CDKAL1: variants seen among roughly 807,000 people sequenced by gnomAD.
CDKAL1 encodes threonylcarbamoyladenosine tRNA methylthiotransferase.
CDKAL1 carries 32 observed loss-of-function variants against 68.2 expected under a neutral mutation model. That is an observed-to-expected ratio of 0.47 (90% confidence interval 0.35 to 0.63). The LOEUF (loss-of-function observed/expected upper bound fraction) is 0.63, where lower values mean the gene tolerates loss of function less well. CDKAL1 is among the 30% of genes least tolerant of loss of function. The probability of loss-of-function intolerance (pLI) is 0.00; values close to 1 mark genes in which losing one functional copy is unlikely to be tolerated. For missense variants in CDKAL1, 606 were observed against 696.7 expected, an observed-to-expected ratio of 0.87 and a Z score of 1.47; for synonymous variants, 234 against 244.3, an observed-to-expected ratio of 0.96 and a Z score of 0.39.
chr6:21,047,145 G>A (rs868730391), intron 11 of CDKAL1, among the ~76,000 whole-genome samples: 1 of 151,320 alleles, frequency 6.6e-6, no homozygotes, highest in Non-Finnish European at 1.5e-5. Flanking sequence ...GGTTGGCCTT[G>A]AACTCCTAGA....
At chr6:21,043,297 G>A (rs1004039746) in intron 11 of CDKAL1, among the ~76,000 whole-genome samples, 1 of 152,048 alleles carries the variant, frequency 6.6e-6, no homozygotes, top group Non-Finnish European at 1.5e-5. Context: ...GAAGCCCAAA[G>A]TAAGTCTTCT....
chr6:20,600,789 C>CACACACATATATATATATATATATATAT (rs1766060750), intron 4 of CDKAL1, among the ~76,000 whole-genome samples: 1 of 130,480 alleles, frequency 7.7e-6, no homozygotes, highest in Non-Finnish European at 1.6e-5. Context: ...TATATATATA[C>CACACACATATATATATATATATATATAT]ACACACACAC....
At chr6:21,138,500 C>T (rs956918444) in intron 13 of CDKAL1, among the ~76,000 whole-genome samples, 9 of 152,118 alleles carry the variant, frequency 5.9e-5, no homozygotes, top group African/African-American at 1.7e-4. Flanking sequence ...ACTTTGGGCA[C>T]GTTTCCTAAT....
intron 8 of CDKAL1, among the ~76,000 whole-genome samples, chr6:20,801,730 A>G (rs1418168588): frequency 6.6e-6 from 1 of 152,214 alleles, no homozygotes; most frequent in Admixed American, 6.5e-5. Flanking sequence ...TAGTATTTAC[A>G]TAATTTCGCA....
intron 8 of CDKAL1, among the ~76,000 whole-genome samples, chr6:20,831,605 T>G (rs563466117): frequency 6.6e-6 from 1 of 152,204 alleles, no homozygotes. Flanking sequence ...CTTTTTTTGG[T>G]GCAAGTTTGG....
chr6:20,895,910 T>TTC (rs1391864576), intron 9 of CDKAL1, among the ~76,000 whole-genome samples: 1 of 152,022 alleles, frequency 6.6e-6, no homozygotes, highest in Non-Finnish European at 1.5e-5. Context: ...AATATCTTAT[T>TTC]TCTCTCTCTC....
At chr6:21,050,325 C>G (rs1171034293) in intron 11 of CDKAL1, among the ~76,000 whole-genome samples, 2 of 152,232 alleles carry the variant, frequency 1.3e-5, no homozygotes, top group Non-Finnish European at 2.9e-5. Context: ...AACGCCCTGC[C>G]TGGGCCCCAC....
intron 12 of CDKAL1, among the ~76,000 whole-genome samples, chr6:21,103,922 G>A (rs1253059556): frequency 2.0e-5 from 3 of 152,130 alleles, no homozygotes; most frequent in South Asian, 4.1e-4. Context: ...TTCCATTTTT[G>A]GCTCAGCTTT....
intron 9 of CDKAL1, among the ~76,000 whole-genome samples, chr6:20,952,028 G>A (rs1185195660): frequency 2.0e-5 from 3 of 146,736 alleles, no homozygotes; most frequent in Non-Finnish European, 4.5e-5. Flanking sequence ...GCACGATCTC[G>A]GCTCACTGTA....
intron 13 of CDKAL1, among the ~76,000 whole-genome samples, chr6:21,157,176 C>CA (rs2151058012): frequency 1.3e-5 from 2 of 152,260 alleles, no homozygotes; most frequent in African/African-American, 4.8e-5. Context: ...GTGCTCCTAG[C>CA]CAGCAGTGTT....
intron 8 of CDKAL1, among the ~76,000 whole-genome samples, chr6:20,843,127 A>T (rs1296345246): frequency 2.0e-5 from 3 of 152,130 alleles, no homozygotes; most frequent in Non-Finnish European, 2.9e-5. Flanking sequence ...ACATCTGTCC[A>T]TAAAGTTGAG....
chr6:20,874,123 A>T (rs1389222633), intron 9 of CDKAL1, among the ~76,000 whole-genome samples: 1 of 152,112 alleles, frequency 6.6e-6, no homozygotes, highest in African/African-American at 2.4e-5. Context: ...AGGTAGAGTT[A>T]GGGGGAGATG....
intron 15 of CDKAL1, among the ~76,000 whole-genome samples, chr6:21,217,574 T>C (rs952335402): frequency 6.6e-6 from 1 of 152,142 alleles, no homozygotes; most frequent in Non-Finnish European, 1.5e-5. Context: ...CTCGGCTCAC[T>C]GCAACCTCTG....
chr6:20,933,732 C>G (rs887061305), intron 9 of CDKAL1, among the ~76,000 whole-genome samples: 1 of 152,174 alleles, frequency 6.6e-6, no homozygotes, highest in Non-Finnish European at 1.5e-5. Context: ...TTTCTTTAAT[C>G]TGAAATCATC....
chr6:20,674,251 G>A (rs149466534), intron 5 of CDKAL1, among the ~76,000 whole-genome samples: 1 of 151,920 alleles, frequency 6.6e-6, no homozygotes, highest in Non-Finnish European at 1.5e-5. Context: ...AGTTTCTTTT[G>A]TCCAGTTTGT....
chr6:21,212,018 C>G (rs1302263521), intron 15 of CDKAL1, among the ~76,000 whole-genome samples: 2 of 152,158 alleles, frequency 1.3e-5, no homozygotes, highest in Non-Finnish European at 2.9e-5. Flanking sequence ...GCCTCAGCCT[C>G]TTAGAGTGCT....
intron 11 of CDKAL1, among the ~76,000 whole-genome samples, chr6:21,040,134 TGTGGATAG>T: frequency 6.6e-6 from 1 of 152,350 alleles, no homozygotes. Context: ...AATTTATGCA[TGTGGATAG>T]ACGGAGATGT....
chr6:21,021,771 A>G (rs201288), intron 11 of CDKAL1, among the ~76,000 whole-genome samples: 16,184 of 152,162 alleles, frequency 0.11, 966 homozygotes, highest in Middle Eastern at 0.16. Flanking sequence ...ACCTCACCTA[A>G]GGTAGCACCC....
At chr6:21,087,421 T>C (rs1772754724) in intron 12 of CDKAL1, among the ~76,000 whole-genome samples, 1 of 152,150 alleles carries the variant, frequency 6.6e-6, no homozygotes, top group Non-Finnish European at 1.5e-5. Flanking sequence ...AGCCTCAAAC[T>C]TGGGCTCAAA....
Sources: allele counts gnomAD v4.1 joint callset (sites outside exome capture counted in the v4.1 genomes callset), GRCh38; gene constraint gnomAD v4.1.1; transcripts MANE v1.5; gene names NCBI Gene and HGNC (gene_info 2026-07-23, HGNC 2026-07-21).